KCNJ10: variants seen among roughly 807,000 people sequenced by gnomAD.
The protein encoded by KCNJ10 is potassium inwardly rectifying channel subfamily J member 10, also known as ATP-sensitive inward rectifier potassium channel 10.
KCNJ10 carries 9 observed loss-of-function variants against 22.2 expected under a neutral mutation model. The observed-to-expected ratio is 0.40, with a 90% CI of 0.24 to 0.71. KCNJ10 has a LOEUF of 0.71. Ranked by LOEUF, KCNJ10 falls within the 30% of genes least tolerant of loss-of-function variation. The pLI, the probability that KCNJ10 is intolerant of heterozygous loss-of-function variation, is 0.35. For synonymous variants in KCNJ10, 184 were observed against 187.3 expected (o/e 0.98, Z 0.15); for missense variants, 337 against 482.7 (o/e 0.70, Z 2.83).
chr1:160,050,233 A>G (rs1648868300), intron 1 of KCNJ10, among the ~76,000 whole-genome samples: 1 of 151,908 alleles, frequency 6.6e-6, no homozygotes, highest in Non-Finnish European at 1.5e-5. Flanking sequence ...TCCTGGGCTC[A>G]AGTGATTCTA....
In KCNJ10 at chr1:160,040,580, A is replaced by G. The variant is rs1285757751; in HGVS notation, c.*813T>C. On this transcript the variant is annotated 3_prime_UTR_variant, in exon 2 of 2. Transcript: ENST00000644903. ...GTCCTTCCATTCACAGGACACAGGG[A>G]AACAGATCTTCTCTGGGCTGCCTGG... is the stretch of plus-strand genomic sequence containing the variant. The G allele has an allele frequency of 1.0e-5, 4 of 398,594 alleles. No individual in the cohort carries two copies. The highest frequency in any genetic ancestry group is 4.4e-5 in the Admixed American group (1 of 22,716). 24.7% of individuals were successfully genotyped at this position (398,594 alleles called of 1,614,324 possible). A position where few individuals can be genotyped will look rare whatever the true frequency, so the allele number is the denominator to read the frequency against.
chr1:160,050,739 A>G (rs1186801496), intron 1 of KCNJ10, among the ~76,000 whole-genome samples: 3 of 152,088 alleles, frequency 2.0e-5, no homozygotes, highest in Non-Finnish European at 2.9e-5. Context: ...AAGCGTTGGG[A>G]GCACATGAAA....
At chr1:160,049,932 G>C (rs904146855) in intron 1 of KCNJ10, among the ~76,000 whole-genome samples, 1 of 150,876 alleles carries the variant, frequency 6.6e-6, no homozygotes, top group Non-Finnish European at 1.5e-5. Flanking sequence ...TTCTCACTCT[G>C]GGGCCTTCTC....
In KCNJ10 at chr1:160,041,055, G is replaced by T; in HGVS notation, c.*338C>A. ...CTTCATGGTGGTGGTGGGAGGTAGG[G>T]GGCAGTCTATCCTTCCAACCACATG... On this transcript the variant is annotated 3_prime_UTR_variant, in exon 2 of 2. Coordinates refer to ENST00000644903, the MANE Select transcript of KCNJ10 (RefSeq NM_002241.5). The surrounding 1 kb of genome is among the most constrained non-coding windows in gnomAD (Gnocchi z 4.4). 2.6e-6 allele frequency: 1 copy of T among 378,758 alleles called. No homozygotes were observed. The highest frequency in any genetic ancestry group is 4.9e-6 in the Non-Finnish European group (1 of 203,300). The allele number at this position is 378,758 out of a possible 1,614,324, so 23.5% of individuals were successfully genotyped here. A position where few individuals can be genotyped will look rare whatever the true frequency, so the allele number is the denominator to read the frequency against.
intron 1 of KCNJ10, among the ~76,000 whole-genome samples, chr1:160,061,709 A>G (rs1649196751): frequency 8.2e-6 from 1 of 122,044 alleles, no homozygotes; most frequent in Non-Finnish European, 1.6e-5. Flanking sequence ...GGGGAGGGAC[A>G]TGGTGCTGAG....
chr1:160,056,593 A>G (rs1649041693), intron 1 of KCNJ10, among the ~76,000 whole-genome samples: 1 of 152,194 alleles, frequency 6.6e-6, no homozygotes. Context: ...CCTCCCAGGT[A>G]GAAATAGTTA....
At chr1:160,053,838 T>C (rs1422884844) in intron 1 of KCNJ10, among the ~76,000 whole-genome samples, 1 of 152,148 alleles carries the variant, frequency 6.6e-6, no homozygotes, top group Non-Finnish European at 1.5e-5. Context: ...TCAAAGCATT[T>C]CCTGGGAGTC....
intron 1 of KCNJ10, among the ~76,000 whole-genome samples, chr1:160,052,861 G>A (rs1648935729): frequency 6.6e-6 from 1 of 152,198 alleles, no homozygotes; most frequent in African/African-American, 2.4e-5. Context: ...GGCACTCAAA[G>A]CCACAGGACT....
At position 160,041,637 on chromosome 1, in the gene KCNJ10, G is replaced by A; in HGVS notation, c.896C>T (p.Ser299Phe). ...STSATCQVRT[S>F]YLPEEILWGY... ...CCAAAGGATCTCCTCTGGCAGGTAG[G>A]AAGTGCGCACCTGACAGGTGGCACT... is the stretch of plus-strand genomic sequence containing the variant. Residue 299 changes from serine (S) to phenylalanine (F), a missense_variant, in exon 2 of 2, where the codon TCC (serine) becomes TTC (phenylalanine). By Grantham distance (155) the Ser-to-Phe change is radical. Coordinates refer to ENST00000644903, the MANE Select transcript of KCNJ10 (RefSeq NM_002241.5). This position sits in a 1 kb window ranked among gnomAD's most constrained non-coding sequence, Gnocchi z 4.4. 6.2e-7 allele frequency: 1 copy of A among 1,614,192 alleles called. No individual in the cohort carries two copies. The highest frequency in any genetic ancestry group is 8.5e-7 in the Non-Finnish European group (1 of 1,180,024).
intron 1 of KCNJ10, among the ~76,000 whole-genome samples, chr1:160,066,728 G>A (rs1308772148): frequency 6.6e-6 from 1 of 152,208 alleles, no homozygotes; most frequent in Non-Finnish European, 1.5e-5. Flanking sequence ...AGAGAGAGGT[G>A]CAGCAGCCAC....
chr1:160,068,249 G>C (rs921079027), intron 1 of KCNJ10, among the ~76,000 whole-genome samples: 30 of 150,900 alleles, frequency 2.0e-4, no homozygotes, highest in Non-Finnish European at 3.7e-4. Flanking sequence ...AGAGGGGCTG[G>C]AACCATAACC....
At chr1:160,060,673 C>T (rs1175476797) in intron 1 of KCNJ10, among the ~76,000 whole-genome samples, 1 of 152,204 alleles carries the variant, frequency 6.6e-6, no homozygotes, top group Admixed American at 6.5e-5. Context: ...CACCACTGTG[C>T]AGTCAGCCCT....
At chr1:160,048,487 A>C (rs746789353) in intron 1 of KCNJ10, among the ~76,000 whole-genome samples, 12 of 152,312 alleles carry the variant, frequency 7.9e-5, no homozygotes, top group Admixed American at 4.6e-4. Context: ...AGGTGACTAG[A>C]GAAGATGCTT....
chr1:160,040,421 T>C lies in KCNJ10; in HGVS notation c.*972A>G. Reference sequence around the variant, plus strand: ...CCTCCCTTCTCCCAAAGAGTTGGGGTTAAGGAAGAAGGATCTAGGCTGAGC... The same window carrying C: ...CCTCCCTTCTCCCAAAGAGTTGGGGCTAAGGAAGAAGGATCTAGGCTGAGC... On this transcript the variant is annotated 3_prime_UTR_variant, in exon 2 of 2. Coordinates refer to ENST00000644903, the MANE Select transcript of KCNJ10 (RefSeq NM_002241.5). 1 of 397,536 alleles carries C rather than the reference T, an allele frequency of 2.5e-6. No homozygotes were observed. The highest frequency in any genetic ancestry group is 4.4e-6 in the Non-Finnish European group (1 of 225,502). 24.6% of individuals were successfully genotyped at this position (397,536 alleles called of 1,614,324 possible).
intron 1 of KCNJ10, among the ~76,000 whole-genome samples, chr1:160,058,724 T>TG (rs1292522412): frequency 8.5e-5 from 13 of 152,322 alleles, no homozygotes; most frequent in South Asian, 2.1e-4. Context: ...ACCTGGTCTC[T>TG]GCTGACCTCC....
chr1:160,066,288 C>T (rs990637923), intron 1 of KCNJ10, among the ~76,000 whole-genome samples: 3 of 152,102 alleles, frequency 2.0e-5, no homozygotes, highest in Admixed American at 6.5e-5. Flanking sequence ...AAGTGATGCC[C>T]AGCCTATTGG....
At chr1:160,059,507 T>C (rs1179148855) in intron 1 of KCNJ10, among the ~76,000 whole-genome samples, 1 of 152,138 alleles carries the variant, frequency 6.6e-6, no homozygotes, top group Non-Finnish European at 1.5e-5. Context: ...CCTTGGAGCA[T>C]TATCCACAGA....
chr1:160,065,946 G>A (rs531600624), intron 1 of KCNJ10, among the ~76,000 whole-genome samples: 1 of 152,192 alleles, frequency 6.6e-6, no homozygotes, highest in Admixed American at 6.5e-5. Flanking sequence ...GGATGAACAA[G>A]CCAATCAGGA....
chr1:160,064,550 G>C (rs1649271497), intron 1 of KCNJ10, among the ~76,000 whole-genome samples: 1 of 152,104 alleles, frequency 6.6e-6, no homozygotes, highest in South Asian at 2.1e-4. Context: ...ATGTGTCCCA[G>C]TGTTCATTTC....
Sources: allele counts gnomAD v4.1 joint callset (sites outside exome capture counted in the v4.1 genomes callset), GRCh38; gene constraint gnomAD v4.1.1; non-coding constraint Gnocchi (gnomAD v3.1); transcripts MANE v1.5; gene names NCBI Gene and HGNC (gene_info 2026-07-23, HGNC 2026-07-21).